SLX4IP: variants seen among roughly 807,000 people sequenced by gnomAD.
The protein encoded by SLX4IP is protein SLX4IP.
SLX4IP carries 34 observed loss-of-function variants against 32.9 expected under a neutral mutation model. That is an observed-to-expected ratio of 1.03 (90% CI 0.79 to 1.38). The LOEUF is 1.38. Ranked by LOEUF, SLX4IP falls within the 40% of genes most tolerant of loss-of-function variation. SLX4IP has a pLI of 0.00. For missense variants in SLX4IP, 444 were observed against 479.0 expected (o/e 0.93, Z 0.68); for synonymous variants, 172 against 171.7 (o/e 1.00, Z -0.01).
chr20:10,601,785 G>C lies in SLX4IP; in HGVS notation c.371G>C (p.Ser124Thr), dbSNP rs370547119. 2 of 1,613,860 alleles carry C rather than the reference G, an allele frequency of 1.2e-6. No homozygotes were observed. Among genetic ancestry groups the C allele is most frequent in the African/African-American group, 2.7e-5 (2 of 74,910 alleles). Residue 124 changes from serine (S) to threonine (T), a missense_variant, in exon 6 of 8, where the codon AGT becomes ACT. Transcript: ENST00000334534. Reference sequence around the variant, plus strand: ...GTTTGTGTCAGTCAGCTTGCATTCAGTCGTGATCTTTTAGCAAGTCAGAAT... The same window carrying C: ...GTTTGTGTCAGTCAGCTTGCATTCACTCGTGATCTTTTAGCAAGTCAGAAT... ...FVVCVSQLAF[S>T]RDLLASQNED... is the part of the protein sequence containing the mutation.
Position 10,623,000 on chromosome 20 carries a change from C to T in SLX4IP, c.848C>T (p.Pro283Leu). The T allele has an allele frequency of 6.2e-7, 1 of 1,614,182 alleles. No homozygotes were observed. Among genetic ancestry groups the T allele is most frequent in the South Asian group, 1.1e-5 (1 of 91,082 alleles). The change falls in exon 8 of 8, where the codon CCA becomes CTA. Residue 283 changes from proline to leucine, a missense_variant. Coordinates refer to ENST00000334534, the MANE Select transcript of SLX4IP (RefSeq NM_001009608.3). ...AGCTGTGAGTCAGCATCACCATGTCCAAAACAAAGTCCACGAGTGGCCAAA... is the reference window on the plus strand; with the variant it reads ...AGCTGTGAGTCAGCATCACCATGTCTAAAACAAAGTCCACGAGTGGCCAAA... ...VCSCESASPCPKQSPRVAKTQ... is the reference protein window; with the variant it reads ...VCSCESASPCLKQSPRVAKTQ...
Position 10,622,968 on chromosome 20 carries a change from C to T in SLX4IP, c.816C>T (p.Pro272=), listed in dbSNP as rs567056427. Residue 272 remains proline, a synonymous_variant, in exon 8 of 8, where the codon CCC becomes CCT. Transcript: ENST00000334534. ...RLKTGLLSRS[P]VCSCESASPC... ...AGACAGGGCTTCTAAGCAGGAGCCCCGTCTGTAGCTGTGAGTCAGCATCAC... is the reference window on the plus strand; with the variant it reads ...AGACAGGGCTTCTAAGCAGGAGCCCTGTCTGTAGCTGTGAGTCAGCATCAC... The T allele has an allele frequency of 1.1e-5, 18 of 1,614,166 alleles. No individual in the cohort carries two copies. The highest frequency in any genetic ancestry group is 4.0e-5 in the African/African-American group (3 of 75,052).
chr20:10,484,230 A>G (rs2122385879), intron 2 of SLX4IP, among the ~76,000 whole-genome samples: 1 of 152,192 alleles, frequency 6.6e-6, no homozygotes, highest in South Asian at 2.1e-4. Context: ...CCTCCCCTAC[A>G]ATGAGATAGC....
chr20:10,441,438 A>AAACAAC (rs1013248916), intron 1 of SLX4IP, among the ~76,000 whole-genome samples: 1 of 152,102 alleles, frequency 6.6e-6, no homozygotes, highest in Non-Finnish European at 1.5e-5. Context: ...CCCTGTCTCT[A>AAACAAC]AACAACAACA....
intron 2 of SLX4IP, among the ~76,000 whole-genome samples, chr20:10,537,776 T>C (rs775645658): frequency 4.6e-5 from 7 of 152,168 alleles, no homozygotes; most frequent in Non-Finnish European, 7.4e-5. Flanking sequence ...AAAATAAAAA[T>C]GGTTAGGTAA....
chr20:10,549,074 A>G (rs892136487), intron 2 of SLX4IP, among the ~76,000 whole-genome samples: 3 of 152,194 alleles, frequency 2.0e-5, no homozygotes, highest in Non-Finnish European at 1.5e-5. Context: ...AGGGAATTCA[A>G]TTGACAACAC....
At chr20:10,442,325 A>C (rs1288456560) in intron 1 of SLX4IP, among the ~76,000 whole-genome samples, 1 of 152,174 alleles carries the variant, frequency 6.6e-6, no homozygotes, top group Non-Finnish European at 1.5e-5. Flanking sequence ...ATATTGTTTA[A>C]TCTACTTCCA....
chr20:10,513,394 T>C (rs2065826597), intron 2 of SLX4IP, among the ~76,000 whole-genome samples: 1 of 152,176 alleles, frequency 6.6e-6, no homozygotes, highest in South Asian at 2.1e-4. Context: ...AGGTGTGAAA[T>C]AATTAAATCT....
intron 5 of SLX4IP, among the ~76,000 whole-genome samples, chr20:10,600,829 CA>C (rs1356649287): frequency 2.0e-5 from 3 of 152,090 alleles, no homozygotes; most frequent in African/African-American, 7.2e-5. Flanking sequence ...ACATGTATAT[CA>C]TAAAAATATT....
chr20:10,557,695 CTTA>C (rs2066281703), intron 3 of SLX4IP, among the ~76,000 whole-genome samples: 2 of 152,212 alleles, frequency 1.3e-5, no homozygotes, highest in Admixed American at 6.5e-5. Context: ...GCTTTGCCAC[CTTA>C]GACCTTTATC....
intron 2 of SLX4IP, among the ~76,000 whole-genome samples, chr20:10,544,602 G>A (rs541572536): frequency 6.4e-4 from 97 of 152,280 alleles, no homozygotes; most frequent in Middle Eastern, 3.4e-3. Flanking sequence ...GCCTAGGCTA[G>A]ACTCGAACTC....
Position 10,623,292 on chromosome 20 carries a change from A to G in SLX4IP, c.1140A>G (p.Gln380=), listed in dbSNP as rs767818651. ...AAAATAACCCAGGGCAGGCACAGCAAACCGGCTTAGCCACAAACACTGAAA... is the reference window on the plus strand; with the variant it reads ...AAAATAACCCAGGGCAGGCACAGCAGACCGGCTTAGCCACAAACACTGAAA... ...LMKNNPGQAQ[Q]TGLATNTERL... The change falls in exon 8 of 8, where the codon CAA becomes CAG. Residue 380 remains glutamine (Q), a synonymous_variant. Transcript: ENST00000334534. The G allele has an allele frequency of 7.4e-6, 12 of 1,614,192 alleles. No individual in the cohort carries two copies. Among genetic ancestry groups the G allele is most frequent in the Non-Finnish European group, 1.0e-5 (12 of 1,180,034 alleles).
intron 3 of SLX4IP, among the ~76,000 whole-genome samples, chr20:10,557,644 A>G (rs901835707): frequency 6.6e-6 from 1 of 152,244 alleles, no homozygotes; most frequent in African/African-American, 2.4e-5. Context: ...TAACAATGTT[A>G]TGGAATCCAC....
At chr20:10,597,554 T>C (rs2066786025) in intron 4 of SLX4IP, among the ~76,000 whole-genome samples, 1 of 152,258 alleles carries the variant, frequency 6.6e-6, no homozygotes. Flanking sequence ...TTCTTTCATG[T>C]AACATTATGT....
intron 2 of SLX4IP, among the ~76,000 whole-genome samples, chr20:10,469,086 T>C (rs939471639): frequency 1.3e-5 from 2 of 152,180 alleles, no homozygotes; most frequent in Non-Finnish European, 1.5e-5. Flanking sequence ...TACACATTTG[T>C]GTTGGGCTGC....
rs761390267 is a variant in SLX4IP at position 10,435,325 on chromosome 20, T to C, written c.-158T>C. ...AGCGCGAAAGTGCTTCCCTTAAGCT[T>C]CTGAAGGTTGGCTGCAGTTCCGGCT... On this transcript the variant is annotated 5_prime_UTR_variant, in exon 1 of 8. Coordinates refer to ENST00000334534, the MANE Select transcript of SLX4IP (RefSeq NM_001009608.3). The C allele has an allele frequency of 2.0e-5, 3 of 152,220 alleles. No homozygotes were observed. Among genetic ancestry groups the C allele is most frequent in the Non-Finnish European group, 4.4e-5 (3 of 68,066 alleles). 9.4% of individuals were successfully genotyped at this position (152,220 alleles called of 1,614,324 possible).
At chr20:10,447,310 A>T (rs554624974) in intron 1 of SLX4IP, among the ~76,000 whole-genome samples, 3 of 152,238 alleles carry the variant, frequency 2.0e-5, no homozygotes, top group African/African-American at 7.2e-5. Flanking sequence ...CTTGCATTGT[A>T]GCAGTTTTGC....
At chr20:10,599,797 T>C (rs181361653) in intron 5 of SLX4IP, among the ~76,000 whole-genome samples, 10 of 152,334 alleles carry the variant, frequency 6.6e-5, no homozygotes, top group Admixed American at 6.5e-5. Flanking sequence ...GTAAGGACTA[T>C]CATTGCCTAA....
intron 1 of SLX4IP, among the ~76,000 whole-genome samples, chr20:10,454,573 T>A (rs1469949087): frequency 6.6e-6 from 1 of 152,234 alleles, no homozygotes; most frequent in African/African-American, 2.4e-5. Flanking sequence ...CTGAGCACAG[T>A]AAAGGGGAAT....
Sources: gnomAD v4.1 joint callset for allele counts (sites outside exome capture counted in the v4.1 genomes callset) on GRCh38, gnomAD v4.1.1 for gene constraint, MANE v1.5 for transcripts, NCBI Gene and HGNC (gene_info 2026-07-23, HGNC 2026-07-21) for gene names.